FOXP2: variants seen among roughly 807,000 people sequenced by gnomAD.
FOXP2 encodes the protein forkhead box P2.
In FOXP2, 12 loss-of-function variants were observed where a neutral mutation model predicts 115.8. That is an observed-to-expected ratio of 0.10 (90% CI 0.07 to 0.17). The LOEUF (loss-of-function observed/expected upper bound fraction) is 0.17. FOXP2 is among the 10% of genes least tolerant of loss of function. The pLI, the probability that FOXP2 is intolerant of heterozygous loss-of-function variation, is 1.00. For synonymous variants in FOXP2, 328 were observed against 297.7 expected (o/e 1.10, Z -1.05); for missense variants, 629 against 843.5 (o/e 0.75, Z 3.15).
chr7:114,144,860 T>A (rs1481664942), intron 1 of FOXP2, among the ~76,000 whole-genome samples: 2 of 152,058 alleles, frequency 1.3e-5, no homozygotes, highest in Non-Finnish European at 2.9e-5. Context: ...TTAAAATGAG[T>A]GTTATCAAAA....
chr7:114,211,057 C>T (rs571018207), intron 1 of FOXP2, among the ~76,000 whole-genome samples: 2 of 152,284 alleles, frequency 1.3e-5, no homozygotes, highest in East Asian at 1.9e-4. Context: ...TCTGGGAACT[C>T]GGACCCGCCT....
chr7:114,416,533 C>T (rs895793664), intron 1 of FOXP2: 4 of 146,026 alleles, frequency 2.7e-5, no homozygotes, highest in Admixed American at 6.8e-5. Flanking sequence ...AAAAAAAGCA[C>T]TCTATTTAAT....
chr7:114,198,106 C>T (rs1243261843), intron 1 of FOXP2, among the ~76,000 whole-genome samples: 5 of 152,064 alleles, frequency 3.3e-5, no homozygotes, highest in African/African-American at 4.8e-5. Context: ...TCCAGTGATC[C>T]GCCCATGTCA....
At chr7:114,607,389 AATTGCTTGACAT>A in intron 3 of FOXP2, among the ~76,000 whole-genome samples, 1 of 152,286 alleles carries the variant, frequency 6.6e-6, no homozygotes, top group Non-Finnish European at 1.5e-5. Context: ...AGAAATAGAA[AATTGCTTGACAT>A]ATTCAATAGG....
intron 1 of FOXP2, among the ~76,000 whole-genome samples, chr7:114,279,955 C>T (rs13223883): frequency 6.6e-6 from 1 of 151,946 alleles, no homozygotes; most frequent in Non-Finnish European, 1.5e-5. Context: ...GAACTTGAAA[C>T]TAAAATGAGA....
At chr7:114,585,417 G>A (rs1458147791) in intron 3 of FOXP2, among the ~76,000 whole-genome samples, 3 of 151,980 alleles carry the variant, frequency 2.0e-5, no homozygotes, top group Non-Finnish European at 4.4e-5. Context: ...GTGTTCTATG[G>A]GCCAACCAAA....
chr7:114,398,019 T>C (rs1458630716), intron 2 of FOXP2, among the ~76,000 whole-genome samples: 1 of 151,934 alleles, frequency 6.6e-6, no homozygotes, highest in African/African-American at 2.4e-5. Flanking sequence ...AGAAATTCGA[T>C]GGAGAGTGGC....
intron 1 of FOXP2, among the ~76,000 whole-genome samples, chr7:114,143,187 A>AATAATG (rs1427937766): frequency 1.3e-5 from 2 of 149,434 alleles, no homozygotes; most frequent in Non-Finnish European, 3.0e-5. Context: ...TAATAATAAT[A>AATAATG]GCCTACTTCC....
intron 1 of FOXP2, among the ~76,000 whole-genome samples, chr7:114,222,705 A>G (rs1382042906): frequency 2.6e-5 from 4 of 152,214 alleles, no homozygotes; most frequent in Non-Finnish European, 5.9e-5. Context: ...GTGTTGCTTC[A>G]TGAGCGTATT....
At chr7:114,685,975 T>C (rs1808340649) in intron 16 of FOXP2, among the ~76,000 whole-genome samples, 2 of 151,760 alleles carry the variant, frequency 1.3e-5, no homozygotes, top group African/African-American at 4.8e-5. Flanking sequence ...CCGGTGTTTT[T>C]TTTTTTAAAA....
At chr7:114,176,298 T>TTCTTTCTTTCTTTCTTTCTCTCTC (rs368923204) in intron 1 of FOXP2, among the ~76,000 whole-genome samples, 168 of 76,542 alleles carry the variant, frequency 2.2e-3, no homozygotes, top group African/African-American at 8.9e-3. Context: ...CTTTCTTTCT[T>TTCTTTCTTTCTTTCTTTCTCTCTC]TCTCTCTCTC....
At chr7:114,483,597 T>C (rs1796646553) in intron 2 of FOXP2, among the ~76,000 whole-genome samples, 1 of 151,734 alleles carries the variant, frequency 6.6e-6, no homozygotes, top group South Asian at 2.1e-4. Flanking sequence ...CATCTTTCCT[T>C]TCTCAAGCTT....
intron 1 of FOXP2, among the ~76,000 whole-genome samples, chr7:114,098,217 G>C (rs1242831501): frequency 2.6e-5 from 4 of 152,138 alleles, no homozygotes; most frequent in African/African-American, 9.7e-5. Context: ...GGACAGTTGT[G>C]CACAGTGTAA....
At chr7:114,239,789 A>ACAGT in intron 1 of FOXP2, among the ~76,000 whole-genome samples, 1 of 152,324 alleles carries the variant, frequency 6.6e-6, no homozygotes, top group East Asian at 1.9e-4. Context: ...TCTACAAGGA[A>ACAGT]CAGTCCTTCT....
chr7:114,636,131 G>T (rs1202972216), intron 6 of FOXP2, among the ~76,000 whole-genome samples: 3 of 152,196 alleles, frequency 2.0e-5, no homozygotes, highest in South Asian at 2.1e-4. Flanking sequence ...TCAATAATAT[G>T]TTGAGTTAGT....
At chr7:114,576,542 T>TG (rs1385176533) in intron 3 of FOXP2, among the ~76,000 whole-genome samples, 3 of 151,868 alleles carry the variant, frequency 2.0e-5, no homozygotes, top group Admixed American at 2.0e-4. Flanking sequence ...TGGCAGAAAT[T>TG]GGGGGCTGAT....
At chr7:114,465,318 G>C (rs535616584) in intron 2 of FOXP2, among the ~76,000 whole-genome samples, 76 of 152,202 alleles carry the variant, frequency 5.0e-4, no homozygotes, top group African/African-American at 1.8e-3. Flanking sequence ...AGAGAATAGA[G>C]ACACTACTCC....
chr7:114,384,489 T>C (rs1792391232), intron 2 of FOXP2, among the ~76,000 whole-genome samples: 1 of 151,876 alleles, frequency 6.6e-6, no homozygotes, highest in African/African-American at 2.4e-5. Context: ...TCCACAAGAG[T>C]CTCCGTATCA....
intron 1 of FOXP2, among the ~76,000 whole-genome samples, chr7:114,277,928 T>C (rs1187342371): frequency 1.3e-5 from 2 of 148,638 alleles, no homozygotes; most frequent in Non-Finnish European, 3.0e-5. Context: ...CTGGGGAGGC[T>C]AAGGCAGGAG....
Sources: gnomAD v4.1 joint callset for allele counts (sites outside exome capture counted in the v4.1 genomes callset) on GRCh38, gnomAD v4.1.1 for gene constraint, MANE v1.5 for transcripts, NCBI Gene and HGNC (gene_info 2026-07-23, HGNC 2026-07-21) for gene names.